The following BICRAL variants were observed in gnomAD, a reference collection of about 807,000 sequenced individuals.
BICRAL encodes BRD4-interacting chromatin-remodeling complex-associated protein-like.
In BICRAL, 8 loss-of-function variants were observed where a neutral mutation model predicts 91.8. The observed-to-expected ratio is 0.09, with a 90% CI of 0.05 to 0.16. The LOEUF is 0.16. BICRAL is among the 10% of genes least tolerant of loss of function. BICRAL has a pLI of 1.00. For synonymous variants in BICRAL, 445 were observed against 491.1 expected, an observed-to-expected ratio of 0.91 and a Z score of 1.24; for missense variants, 1,038 against 1,310.9, an observed-to-expected ratio of 0.79 and a Z score of 3.21.
chr6:42,839,649 A>G (rs1356190099), intron 6 of BICRAL, among the ~76,000 whole-genome samples: 2 of 152,036 alleles, frequency 1.3e-5, no homozygotes, highest in Non-Finnish European at 2.9e-5. Flanking sequence ...TTTATCTGTC[A>G]TATTTTAACA....
At chr6:42,787,808 G>T (rs558386239) in intron 1 of BICRAL, among the ~76,000 whole-genome samples, 1 of 152,226 alleles carries the variant, frequency 6.6e-6, no homozygotes, top group South Asian at 2.1e-4. Flanking sequence ...TCGACAGCTC[G>T]TTAGGGAAAT....
intron 3 of BICRAL, 50 bp from the exon 4 acceptor site, chr6:42,822,746 G>A: frequency 1.0e-6 from 1 of 966,412 alleles, no homozygotes; most frequent in Non-Finnish European, 1.6e-6. Flanking sequence ...TCTAAATATA[G>A]ATAGTATATT....
At position 42,828,768 on chromosome 6, in the gene BICRAL, A is replaced by G. The variant is rs535192372; in HGVS notation, c.435A>G (p.Ser145=). 2 of 1,614,084 alleles carry G rather than the reference A, an allele frequency of 1.2e-6. No homozygotes were observed. The highest frequency in any genetic ancestry group is 1.7e-5 in the Admixed American group (1 of 59,990). ...CACAAGCTCAGCTTCATCCTTCTTC[A>G]TCAGCATCCTTTACTCAGGCTTCTA... ...QFAQAQLHPS[S]SASFTQASNV... is the part of the protein sequence containing the mutation. Residue 145 remains serine, a synonymous_variant, in exon 6 of 13, where the codon TCA becomes TCG. Coordinates refer to ENST00000314073, the MANE Select transcript of BICRAL (RefSeq NM_001393499.1).
At position 42,764,381 on chromosome 6, in the gene BICRAL, G is replaced by C. The variant is rs1201219591; in HGVS notation, c.-261+17358G>C. On this transcript the variant is annotated intron_variant, in intron 1 of 14. Coordinates refer to the BICRAL transcript ENST00000614467. Reference sequence around the variant, plus strand: ...AGCCTAGGCAACATGGCGTAACCTCGTCTCCACAAAAATAAAAAAAATTAG... The same window carrying C: ...AGCCTAGGCAACATGGCGTAACCTCCTCTCCACAAAAATAAAAAAAATTAG... 2.0e-5 allele frequency among the ~76,000 whole-genome samples: 3 copies of C among 147,628 alleles called. No individual in the cohort carries two copies. The Admixed American group carries it at 2.1e-4, about 10-fold the overall frequency.
At chr6:42,768,508 A>G (rs957386100) in intron 1 of BICRAL, among the ~76,000 whole-genome samples, 1 of 152,212 alleles carries the variant, frequency 6.6e-6, no homozygotes, top group African/African-American at 2.4e-5. Flanking sequence ...TGGCCAGCAT[A>G]TTCCAGGATC....
rs1052289425 is a variant in BICRAL at position 42,866,747 on chromosome 6, CTTTA to C, written c.*1309_*1312del. On this transcript the variant is annotated 3_prime_UTR_variant, in exon 13 of 13. Coordinates refer to ENST00000314073, the MANE Select transcript of BICRAL (RefSeq NM_001393499.1). ...TCATATTAGTGAGCATGGCTTACTG[CTTTA>C]TTTATTTTTATTTCTTGTCAGGGAG... The C allele has an allele frequency of 4.8e-5, 22 of 454,996 alleles. No homozygotes were observed. Among genetic ancestry groups the C allele is most frequent in the African/African-American group, 4.4e-4 (22 of 49,918 alleles). The allele number at this position is 454,996 out of a possible 1,614,324, so 28.2% of individuals were successfully genotyped here.
At chr6:42,762,057 C>T (rs1003907848) in intron 1 of BICRAL, among the ~76,000 whole-genome samples, 7 of 152,182 alleles carry the variant, frequency 4.6e-5, no homozygotes, top group South Asian at 2.1e-4. Context: ...CCAGTCACCA[C>T]GACCTTTTAT....
At chr6:42,772,939 G>A (rs949092054) in intron 1 of BICRAL, among the ~76,000 whole-genome samples, 1 of 152,150 alleles carries the variant, frequency 6.6e-6, no homozygotes, top group East Asian at 1.9e-4. Flanking sequence ...AGATTAAGAG[G>A]AGAAAAGACA....
chr6:42,865,372 C>G lies in BICRAL; in HGVS notation c.3166C>G (p.Pro1056Ala). ...GGAAAACTGCCTGGAAAAGTTCATC[C>G]CGGACCACAGTGAAGGTGTTGTAGA... ...SQENCLEKFIPDHSEGVVETD... is the reference protein window; with the variant it reads ...SQENCLEKFIADHSEGVVETD... The change falls in exon 13 of 13, where the codon CCG (proline) becomes GCG (alanine). Residue 1056 changes from proline to alanine, a missense_variant. This residue lies in a region of BICRAL where 92 missense variants were observed against 147.8 expected (regional missense o/e 0.62). Transcript: ENST00000314073. 1 of 1,613,590 alleles carries G rather than the reference C, an allele frequency of 6.2e-7. No individual in the cohort carries two copies. The highest frequency in any genetic ancestry group is 2.2e-5 in the East Asian group (1 of 44,884).
chr6:42,793,830 C>T (rs1763345672), intron 1 of BICRAL, among the ~76,000 whole-genome samples: 1 of 147,274 alleles, frequency 6.8e-6, no homozygotes, highest in South Asian at 2.2e-4. Flanking sequence ...GTACAGTGGC[C>T]CCATCTCAGC....
chr6:42,825,096 T>C (rs1004696722), intron 5 of BICRAL, among the ~76,000 whole-genome samples: 3 of 151,606 alleles, frequency 2.0e-5, no homozygotes, highest in Admixed American at 2.0e-4. Flanking sequence ...CCATCTCTAC[T>C]AAAAATGCAA....
intron 1 of BICRAL, among the ~76,000 whole-genome samples, chr6:42,762,862 G>A (rs556086711): frequency 1.9e-4 from 29 of 152,100 alleles, no homozygotes; most frequent in African/African-American, 6.8e-4. Flanking sequence ...GGGAGGTCGA[G>A]GCTGCTGTGA....
chr6:42,802,744 G>C (rs1202584312), intron 1 of BICRAL, among the ~76,000 whole-genome samples: 1 of 151,862 alleles, frequency 6.6e-6, no homozygotes, highest in East Asian at 1.9e-4. Flanking sequence ...ACCGTGCCTG[G>C]CCTTTTTTTT....
intron 1 of BICRAL, among the ~76,000 whole-genome samples, chr6:42,764,549 AAAG>A (rs201274938): frequency 0.011 from 1,676 of 152,190 alleles, 40 homozygotes; most frequent in African/African-American, 0.038. Context: ...AAAAAAAAAA[AAAG>A]AGTTTTGTGT....
chr6:42,854,690 T>G (rs1765291224), intron 8 of BICRAL, among the ~76,000 whole-genome samples: 1 of 151,766 alleles, frequency 6.6e-6, no homozygotes, highest in Non-Finnish European at 1.5e-5. Flanking sequence ...GCTAATATTT[T>G]TATATTTTTT....
At chr6:42,749,358 G>A (rs955213843) in intron 1 of BICRAL, among the ~76,000 whole-genome samples, 1 of 152,190 alleles carries the variant, frequency 6.6e-6, no homozygotes, top group Non-Finnish European at 1.5e-5. Flanking sequence ...TGGAGTTGGA[G>A]TGTAGAATGA....
At position 42,865,650 on chromosome 6, in the gene BICRAL, T is replaced by G. The variant is rs1327733634; in HGVS notation, c.*204T>G. On this transcript the variant is annotated 3_prime_UTR_variant, in exon 13 of 13. Transcript: ENST00000314073. ...CTTGTCGTGATTACAGGGAGATCCTTTAGTAAAATTAATCCTTGGCAGAAA... is the reference window on the plus strand; with the variant it reads ...CTTGTCGTGATTACAGGGAGATCCTGTAGTAAAATTAATCCTTGGCAGAAA... 13 of 541,206 alleles carry G rather than the reference T, an allele frequency of 2.4e-5. No individual in the cohort carries two copies. The highest frequency in any genetic ancestry group is 3.6e-5 in the Non-Finnish European group (11 of 306,608). The allele number at this position is 541,206 out of a possible 1,614,324, so 33.5% of individuals were successfully genotyped here.
At chr6:42,765,785 A>G (rs1762622232) in intron 1 of BICRAL, among the ~76,000 whole-genome samples, 1 of 152,098 alleles carries the variant, frequency 6.6e-6, no homozygotes. Flanking sequence ...GATCAAGGCA[A>G]TATTATTTGC....
chr6:42,857,614 A>AAAAAAAT, intron 10 of BICRAL, among the ~76,000 whole-genome samples: 52 of 96,218 alleles, frequency 5.4e-4, no homozygotes, highest in African/African-American at 2.9e-3. Context: ...AAAAAAAAAA[A>AAAAAAAT]ATATATATAT....
Sources: gnomAD v4.1 joint callset for allele counts (sites outside exome capture counted in the v4.1 genomes callset) on GRCh38, gnomAD v4.1.1 for gene constraint, gnomAD v4.1.1 regional missense constraint, MANE v1.5 for transcripts, NCBI Gene and HGNC (gene_info 2026-07-23, HGNC 2026-07-21) for gene names.